RGPD3: variants seen among roughly 807,000 people sequenced by gnomAD.
RGPD3 encodes RANBP2 like and GRIP domain containing 3.
Under a neutral mutation model 154.5 loss-of-function variants are expected in RGPD3, and 62 were observed. That is an observed-to-expected ratio of 0.40 (90% CI 0.33 to 0.50). The LOEUF is 0.50. RGPD3 is among the 20% of genes least tolerant of loss of function. The pLI, the probability that RGPD3 is intolerant of heterozygous loss-of-function variation, is 0.59. For missense variants in RGPD3, 919 were observed against 1,716.8 expected (o/e 0.54, Z 8.21); for synonymous variants, 308 against 607.0 (o/e 0.51, Z 7.24).
chr2:106,467,767 G>C (rs1678677151), intron 1 of RGPD3, among the ~76,000 whole-genome samples: 1 of 142,722 alleles, frequency 7.0e-6, no homozygotes, highest in Non-Finnish European at 1.5e-5. Flanking sequence ...CGGGAGCCAT[G>C]ACGCCTGAGC....
upstream of RGPD3, among the ~76,000 whole-genome samples, chr2:106,468,805 CAAAAAAAAAAAAA>C (rs57971663): frequency 1.9e-4 from 11 of 56,934 alleles, no homozygotes; most frequent in African/African-American, 2.4e-4. Context: ...GACTCCATCT[CAAAAAAAAAAAAA>C]AAAAAAAAAA....
upstream of RGPD3, among the ~76,000 whole-genome samples, chr2:106,469,687 C>G (rs1161292376): frequency 6.6e-6 from 1 of 152,174 alleles, no homozygotes; most frequent in Non-Finnish European, 1.5e-5. Context: ...TTTCCCCAGC[C>G]CAGCAGCACA....
chr2:106,424,746 A>G lies in RGPD3; in HGVS notation c.3221T>C (p.Val1074Ala), dbSNP rs774611920. 2 of 1,611,774 alleles carry G rather than the reference A, an allele frequency of 1.2e-6. No homozygotes were observed. Among genetic ancestry groups the G allele is most frequent in the Non-Finnish European group, 8.5e-7 (1 of 1,179,860 alleles). The part of the protein sequence containing the change: ...GVKLFRFDAE[V>A]SQWKERGLGN... ...CAAGCCCCTTTCTTTCCACTGACTTACCTCAGCATCAAATCTAAATAGTTT... is the reference window on the plus strand; with the variant it reads ...CAAGCCCCTTTCTTTCCACTGACTTGCCTCAGCATCAAATCTAAATAGTTT... Residue 1074 changes from valine (V) to alanine (A), a missense_variant, in exon 20 of 23, where the codon GTA becomes GCA. Physicochemically the swap from Val to Ala is moderately conservative, Grantham distance 64. Coordinates refer to ENST00000409886, the MANE Select transcript of RGPD3 (RefSeq NM_001144013.2).
chr2:106,415,674 C>CAAAAAAAAAAAA (rs879163469), intron 21 of RGPD3, among the ~76,000 whole-genome samples, 176 bp downstream of exon 21: 18 of 44,746 alleles, frequency 4.0e-4, no homozygotes, highest in African/African-American at 1.9e-3. Flanking sequence ...AAGACTGTCT[C>CAAAAAAAAAAAA]AAAAAAAAAA....
At chr2:106,415,473 C>G (rs903328564) in intron 21 of RGPD3, among the ~76,000 whole-genome samples, 1 of 151,838 alleles carries the variant, frequency 6.6e-6, no homozygotes, top group Non-Finnish European at 1.5e-5. Context: ...GTCAGGAGAT[C>G]GAGACCATCC....
chr2:106,468,500 C>G (rs1436980509), upstream of RGPD3: 2 of 979,278 alleles, frequency 2.0e-6, no homozygotes. Context: ...TTGGCAGCAC[C>G]CTGTGCTCTG....
At chr2:106,466,256 A>T (rs1223692046) in intron 1 of RGPD3, among the ~76,000 whole-genome samples, 3 of 151,996 alleles carry the variant, frequency 2.0e-5, no homozygotes, top group Non-Finnish European at 4.4e-5. Context: ...CTGCGCTTGC[A>T]AGCGCCGCGC....
At position 106,433,019 on chromosome 2, in the gene RGPD3, C is replaced by T. The variant is rs762536193; in HGVS notation, c.2386-1G>A. The T allele has an allele frequency of 2.5e-6, 4 of 1,608,512 alleles. No homozygotes were observed. In the African/African-American group the frequency reaches 4.1e-5, roughly 16 times the overall value. On this transcript the variant is annotated splice_acceptor_variant, in intron 16 of 22. Coordinates refer to ENST00000409886, the MANE Select transcript of RGPD3 (RefSeq NM_001144013.2). LOFTEE classifies it high-confidence loss of function. The stretch of plus-strand genomic sequence containing the variant: ...ATCGAGGTGGTGTTTTGGGAGAATA[C>T]TAAAAAAAAAATAAAAATAACAAAA...
At position 106,468,398 on chromosome 2, in the gene RGPD3, G is replaced by A. The variant is rs1318986805; in HGVS notation, c.-110C>T. ...AAGCCACTGAGGCAGCGGCGTAGCC[G>A]GCGGAGGACCACTGTGACGAACTTG... On this transcript the variant is annotated 5_prime_UTR_variant, in exon 1 of 23. Transcript: ENST00000409886. 2.3e-4 allele frequency: 354 copies of A among 1,533,974 alleles called. 1 individual carries two copies. The highest frequency in any genetic ancestry group is 2.9e-4 in the Non-Finnish European group (333 of 1,138,158).
chr2:106,447,385 T>C (rs1287751091), intron 7 of RGPD3, 33 bp downstream of exon 7: 1 of 116,180 alleles, frequency 8.6e-6, no homozygotes, highest in Non-Finnish European at 1.4e-5. Context: ...CAAGACTCCG[T>C]GAAATGTCAA....
chr2:106,468,072 T>C, intron 1 of RGPD3, 145 bp downstream of exon 1: 5 of 1,069,312 alleles, frequency 4.7e-6, no homozygotes, highest in Non-Finnish European at 6.2e-6. Context: ...CAGGGCCAGG[T>C]CGAGGCCGCC....
upstream of RGPD3, among the ~76,000 whole-genome samples, chr2:106,468,662 C>CAGGTGTGG (rs1280289666): frequency 2.0e-5 from 3 of 151,948 alleles, no homozygotes; most frequent in Non-Finnish European, 4.4e-5. Context: ...AAAAATTAGC[C>CAGGTGTGG]AGGTGTGGTG....
intron 22 of RGPD3, among the ~76,000 whole-genome samples, chr2:106,406,736 G>C (rs1300754713): frequency 1.3e-5 from 2 of 151,902 alleles, no homozygotes; most frequent in African/African-American, 2.4e-5. Flanking sequence ...AGGTTTTTGT[G>C]TGAATACTGG....
intron 22 of RGPD3, among the ~76,000 whole-genome samples, chr2:106,410,816 C>T (rs112839400): frequency 6.6e-6 from 1 of 151,884 alleles, no homozygotes; most frequent in Non-Finnish European, 1.5e-5. Flanking sequence ...TGAATAACTA[C>T]TAAAAATATA....
chr2:106,463,027 T>C (rs1206246479), intron 1 of RGPD3, among the ~76,000 whole-genome samples: 2 of 143,726 alleles, frequency 1.4e-5, no homozygotes, highest in Non-Finnish European at 3.1e-5. Flanking sequence ...GGGTAAGAAA[T>C]GGTCAAAGAA....
At chr2:106,449,560 T>C (rs1678046474) in intron 6 of RGPD3, among the ~76,000 whole-genome samples, 1 of 151,818 alleles carries the variant, frequency 6.6e-6, no homozygotes, top group African/African-American at 2.4e-5. Context: ...TTTTAATTTC[T>C]AATGTAATAA....
At chr2:106,413,592 C>T (rs1249378617) in intron 21 of RGPD3, among the ~76,000 whole-genome samples, 2 of 152,206 alleles carry the variant, frequency 1.3e-5, no homozygotes, top group African/African-American at 4.8e-5. Flanking sequence ...TATGACTCCA[C>T]TGTCCTAAGC....
rs9753463 is a variant in RGPD3, at chr2:106,468,191, C to G, written c.72+26G>C. ...GGCCGCCGCCCGGCCAGGTCGAGGC[C>G]GTCGGTCTCTTCCAGACCCACTCAC... On this transcript the variant is annotated intron_variant, in intron 1 of 22. Transcript: ENST00000409886. 223 of 1,589,158 alleles carry G rather than the reference C, an allele frequency of 1.4e-4. 4 individuals carry two copies. The South Asian group carries it at 2.4e-3, about 17-fold the overall frequency.
intron 7 of RGPD3, among the ~76,000 whole-genome samples, chr2:106,443,844 C>T (rs1157316908): frequency 1.7e-5 from 2 of 117,974 alleles, no homozygotes; most frequent in Admixed American, 8.9e-5. Context: ...TACAGGCACC[C>T]GCCACCATGC....
Sources: allele counts gnomAD v4.1 joint callset (sites outside exome capture counted in the v4.1 genomes callset), GRCh38; gene constraint gnomAD v4.1.1; transcripts MANE v1.5; gene names NCBI Gene and HGNC (gene_info 2026-07-23, HGNC 2026-07-21).